Variants in MTHFD1L observed in about 807,000 individuals in gnomAD.
The protein encoded by MTHFD1L is monofunctional C1-tetrahydrofolate synthase, mitochondrial.
A neutral mutation model predicts 119.5 loss-of-function variants in MTHFD1L; 81 were observed. That is an observed-to-expected ratio of 0.68 (90% confidence interval 0.57 to 0.82). The LOEUF is 0.82. Among genes scored for constraint, MTHFD1L ranks in the 40% least tolerant of loss-of-function variants. The pLI is 0.00. For synonymous variants in MTHFD1L, 430 were observed against 475.2 expected (o/e 0.90, Z 1.24); for missense variants, 1,125 against 1,253.4 (o/e 0.90, Z 1.55).
chr6:151,037,668 GT>G (rs1786389519), intron 26 of MTHFD1L, among the ~76,000 whole-genome samples: 1 of 152,150 alleles, frequency 6.6e-6, no homozygotes, highest in African/African-American at 2.4e-5. Flanking sequence ...TGATTATTCT[GT>G]TATTTTGTGT....
intron 18 of MTHFD1L, among the ~76,000 whole-genome samples, chr6:150,961,154 C>T (rs1796387977): frequency 6.7e-6 from 1 of 148,472 alleles, no homozygotes; most frequent in Admixed American, 6.8e-5. Flanking sequence ...AGTGCAATGG[C>T]ACGATCTCAG....
intron 24 of MTHFD1L, among the ~76,000 whole-genome samples, chr6:151,029,119 T>C (rs1784980959): frequency 6.6e-6 from 1 of 151,390 alleles, no homozygotes. Context: ...AAATTAAAGT[T>C]CTTAAAAATA....
intron 13 of MTHFD1L, among the ~76,000 whole-genome samples, chr6:150,940,399 T>C (rs1792884479): frequency 6.6e-6 from 1 of 151,700 alleles, no homozygotes; most frequent in South Asian, 2.1e-4. Context: ...CAGGTCAGAA[T>C]GGGGATGGGT....
Position 150,902,511 on chromosome 6 carries a change from G to C in MTHFD1L, c.781-3139G>C, listed in dbSNP as rs76723034. On this transcript the variant is annotated intron_variant, in intron 7 of 27. Transcript: ENST00000367321. Reference sequence around the variant, plus strand: ...AACAAGTGAGATGATAATTTTCCTTGAATTTTAGCTCATTAAAATCTTCCC... The same window carrying C: ...AACAAGTGAGATGATAATTTTCCTTCAATTTTAGCTCATTAAAATCTTCCC... Among the ~76,000 whole-genome samples, 628 of 152,306 alleles carry C rather than the reference G, an allele frequency of 4.1e-3. 2 individuals are homozygous for C. The highest frequency in any genetic ancestry group is 0.015 in the African/African-American group (603 of 41,566).
intron 20 of MTHFD1L, among the ~76,000 whole-genome samples, chr6:150,989,716 A>G (rs1334498444): frequency 1.3e-5 from 2 of 152,228 alleles, no homozygotes; most frequent in Non-Finnish European, 2.9e-5. Context: ...ATAGAATAAA[A>G]CTATAAAACT....
At chr6:151,000,493 C>T (rs1407722781) in intron 20 of MTHFD1L, among the ~76,000 whole-genome samples, 1 of 152,090 alleles carries the variant, frequency 6.6e-6, no homozygotes, top group African/African-American at 2.4e-5. Context: ...ATAGACAAAT[C>T]CTAAAGAGCA....
In MTHFD1L at chr6:150,933,433, G is replaced by A. The variant is rs746169610; in HGVS notation, c.1257-3371G>A. On this transcript the variant is annotated intron_variant, in intron 11 of 27. Transcript: ENST00000367321. ...TATTGATGTTGTATCCAAGAAAACAGAAAGTTGACTCCAAGCAGAAGTATT... is the reference window on the plus strand; with the variant it reads ...TATTGATGTTGTATCCAAGAAAACAAAAAGTTGACTCCAAGCAGAAGTATT... Among the ~76,000 whole-genome samples, 5 of 152,112 alleles carry A rather than the reference G, an allele frequency of 3.3e-5. No homozygotes were observed. In the South Asian group the frequency reaches 6.2e-4, roughly 19 times the overall value.
chr6:150,945,519 A>C lies in MTHFD1L; in HGVS notation c.1601A>C (p.Glu534Ala), dbSNP rs772113366. 1 of 1,614,106 alleles carries C rather than the reference A, an allele frequency of 6.2e-7. No homozygotes were observed. Among genetic ancestry groups the C allele is most frequent in the Non-Finnish European group, 8.5e-7 (1 of 1,180,000 alleles). Residue 534 changes from glutamate (E) to alanine (A), a missense_variant, in exon 15 of 28, where the codon GAA (glutamate) becomes GCA (alanine). Around this residue, in one of 3 missense-constraint regions of MTHFD1L, gnomAD observed 1,058 missense variants for 1,151.2 expected, o/e 0.92. Transcript: ENST00000367321. ...GTGAATGGTGTCAGAGAATTTTCAG[A>C]AATTCAGCTTGCTCGGCTAAAAGTA... ...PLVNGVREFSEIQLARLKKLG... is the reference protein window; with the variant it reads ...PLVNGVREFSAIQLARLKKLG...
chr6:150,963,374 A>G (rs1455927939), intron 18 of MTHFD1L, among the ~76,000 whole-genome samples: 3 of 152,162 alleles, frequency 2.0e-5, no homozygotes, highest in East Asian at 3.8e-4. Context: ...GTTATAAAGT[A>G]TTCTCACCAC....
At chr6:150,896,874 C>T (rs1246871526) in intron 7 of MTHFD1L, among the ~76,000 whole-genome samples, 3 of 151,738 alleles carry the variant, frequency 2.0e-5, no homozygotes, top group South Asian at 2.1e-4. Flanking sequence ...TTTGGGAGGC[C>T]GAGGCAGGTG....
At chr6:151,004,249 T>C (rs1781065814) in intron 20 of MTHFD1L, among the ~76,000 whole-genome samples, 1 of 151,914 alleles carries the variant, frequency 6.6e-6, no homozygotes, top group East Asian at 1.9e-4. Flanking sequence ...CACTTGAACG[T>C]GGGAGGCGGA....
chr6:151,009,870 T>C lies in MTHFD1L; in HGVS notation c.2177T>C (p.Ile726Thr). 1 of 1,613,880 alleles carries C rather than the reference T, an allele frequency of 6.2e-7. No individual in the cohort carries two copies. The highest frequency in any genetic ancestry group is 8.5e-7 in the Non-Finnish European group (1 of 1,179,938). Reference protein sequence around the residue: ...ADIGMEKFFNIKCRASGLVPN... With the variant: ...ADIGMEKFFNTKCRASGLVPN... The stretch of plus-strand genomic sequence containing the variant: ...ATCGGAATGGAGAAATTCTTCAACA[T>C]CAAGTGCCGAGCTTCCGGCTTGGTG... The change falls in exon 21 of 28, where the codon ATC becomes ACC. Residue 726 changes from isoleucine to threonine, a missense_variant. Coordinates refer to ENST00000367321, the MANE Select transcript of MTHFD1L (RefSeq NM_015440.5).
chr6:151,014,289 C>G (rs1187459606), intron 22 of MTHFD1L, among the ~76,000 whole-genome samples: 1 of 152,140 alleles, frequency 6.6e-6, no homozygotes, highest in Admixed American at 6.6e-5. Flanking sequence ...TCAGTTAACT[C>G]TTAAATATCA....
rs1206535072 is a variant in MTHFD1L at position 151,079,981 on chromosome 6, CCTGGCCAACGT to C, written c.2848-12485_2848-12475del. Among the ~76,000 whole-genome samples the C allele has an allele frequency of 8.5e-4, 129 of 151,622 alleles. 1 individual carries two copies. Among genetic ancestry groups the C allele is most frequent in the African/African-American group, 2.6e-3 (109 of 41,262 alleles). On this transcript the variant is annotated intron_variant, in intron 26 of 27. Transcript: ENST00000367321. ...CCTAAGGTCAGGAGTTCAAGACCAG[CCTGGCCAACGT>C]GGTGAAACCCCGTCTCTACTTAAAA...
intron 11 of MTHFD1L, among the ~76,000 whole-genome samples, chr6:150,929,223 T>G (rs1790578195): frequency 6.6e-6 from 1 of 152,218 alleles, no homozygotes; most frequent in Non-Finnish European, 1.5e-5. Context: ...TTGTCTGCAA[T>G]TAATAAACAA....
chr6:150,914,074 G>A (rs1787432640), intron 8 of MTHFD1L, among the ~76,000 whole-genome samples: 1 of 152,208 alleles, frequency 6.6e-6, no homozygotes, highest in African/African-American at 2.4e-5. Flanking sequence ...AGGCTGCAGT[G>A]AGCCAAGATC....
intron 11 of MTHFD1L, among the ~76,000 whole-genome samples, chr6:150,935,985 TG>T (rs1791989572): frequency 6.6e-6 from 1 of 152,210 alleles, no homozygotes; most frequent in Admixed American, 6.5e-5. Context: ...CCTAATACTG[TG>T]ATGTTATGAA....
chr6:151,021,306 G>A lies in MTHFD1L; in HGVS notation c.2586+5613G>A, dbSNP rs552031420. 2.6e-5 allele frequency among the ~76,000 whole-genome samples: 4 copies of A among 152,282 alleles called. No homozygotes were observed. In the East Asian group the frequency reaches 7.7e-4, roughly 29 times the overall value. Reference sequence around the variant, plus strand: ...CTCTCGCCTGTAATCCCAGCACCTTGGGAGGCTGAGGCAGGTGGATCACCT... The same window carrying A: ...CTCTCGCCTGTAATCCCAGCACCTTAGGAGGCTGAGGCAGGTGGATCACCT... On this transcript the variant is annotated intron_variant, in intron 24 of 27. Transcript: ENST00000367321.
Position 150,876,111 on chromosome 6 carries a change from A to G in MTHFD1L, c.249A>G (p.Lys83=), listed in dbSNP as rs112924195. 5.6e-6 allele frequency: 9 copies of G among 1,608,486 alleles called. No homozygotes were observed. The African/African-American group carries it at 8.0e-5, about 14-fold the overall frequency. Residue 83 remains lysine, a synonymous_variant, in exon 2 of 28, where the codon AAA becomes AAG. Transcript: ENST00000367321. ...SIVREVIQNS[K]EVLSLLQEKN... The stretch of plus-strand genomic sequence containing the variant: ...GTAGAGAAGTCATTCAGAATTCAAA[A>G]GAAGTTCTAAGTTTATTGCAAGAAA...
Sources: gnomAD v4.1 joint callset for allele counts (sites outside exome capture counted in the v4.1 genomes callset) on GRCh38, gnomAD v4.1.1 for gene constraint, gnomAD v4.1.1 regional missense constraint, MANE v1.5 for transcripts, NCBI Gene and HGNC (gene_info 2026-07-23, HGNC 2026-07-21) for gene names.